Variants in SYNPO2 observed in about 807,000 individuals in gnomAD.
The protein encoded by SYNPO2 is synaptopodin 2.
In SYNPO2, 56 loss-of-function variants were observed where a neutral mutation model predicts 85.0. That is an observed-to-expected ratio of 0.66 (90% confidence interval 0.53 to 0.82). The LOEUF is 0.82. SYNPO2 is among the 40% of genes least tolerant of loss of function. SYNPO2 has a pLI of 0.00. For synonymous variants in SYNPO2, 602 were observed against 591.1 expected (o/e 1.02, Z -0.27); for missense variants, 1,575 against 1,534.2 (o/e 1.03, Z -0.44).
At position 119,060,606 on chromosome 4, in the gene SYNPO2, G is replaced by A. The variant is rs908002885; in HGVS notation, c.*2672G>A. Reference sequence around the variant, plus strand: ...CACTAAAGTTCTAAAATAATAGCAAGTGTAGAGAAGAGCCGTTGCTTTGAA... The same window carrying A: ...CACTAAAGTTCTAAAATAATAGCAAATGTAGAGAAGAGCCGTTGCTTTGAA... On this transcript the variant is annotated 3_prime_UTR_variant, in exon 5 of 5. Transcript: ENST00000307142. The A allele has an allele frequency of 3.3e-5, 5 of 152,144 alleles. No individual in the cohort carries two copies. The highest frequency in any genetic ancestry group is 2.6e-4 in the Admixed American group (4 of 15,264). 9.4% of individuals were successfully genotyped at this position (152,144 alleles called of 1,614,324 possible). A position where few individuals can be genotyped will look rare whatever the true frequency, so the allele number is the denominator to read the frequency against.
At chr4:118,941,430 A>C (rs1362715204) in intron 1 of SYNPO2, among the ~76,000 whole-genome samples, 2 of 152,190 alleles carry the variant, frequency 1.3e-5, no homozygotes, top group East Asian at 3.9e-4. Context: ...AATAAGAGAG[A>C]TCAAACCTGA....
At chr4:118,865,784 T>G (rs1731690312) in intron 1 of SYNPO2, among the ~76,000 whole-genome samples, 1 of 152,182 alleles carries the variant, frequency 6.6e-6, no homozygotes, top group Non-Finnish European at 1.5e-5. Flanking sequence ...AGAGAACTGA[T>G]AAGGCATTTC....
intron 1 of SYNPO2, among the ~76,000 whole-genome samples, chr4:118,900,887 A>G (rs1732733374): frequency 6.6e-6 from 1 of 151,638 alleles, no homozygotes; most frequent in Non-Finnish European, 1.5e-5. Flanking sequence ...TAAAGACTTC[A>G]TATACTTTTG....
At chr4:119,048,041 T>C (rs955370412) in intron 4 of SYNPO2, among the ~76,000 whole-genome samples, 3 of 152,256 alleles carry the variant, frequency 2.0e-5, no homozygotes, top group African/African-American at 7.2e-5. Context: ...CTTTTCTCAA[T>C]TGTGAAATCA....
At chr4:118,897,285 A>G (rs936695198) in intron 1 of SYNPO2, among the ~76,000 whole-genome samples, 7 of 152,128 alleles carry the variant, frequency 4.6e-5, no homozygotes, top group Admixed American at 4.6e-4. Flanking sequence ...AACCACCCCC[A>G]TGATCCAATC....
chr4:118,960,244 G>C (rs906108209), intron 1 of SYNPO2, among the ~76,000 whole-genome samples: 1 of 152,132 alleles, frequency 6.6e-6, no homozygotes, highest in Non-Finnish European at 1.5e-5. Flanking sequence ...CTAGTTTGCA[G>C]TCATTTGTTA....
intron 4 of SYNPO2, chr4:119,038,516 A>G: frequency 2.0e-6 from 2 of 985,466 alleles, no homozygotes; most frequent in African/African-American, 1.7e-5. Flanking sequence ...AACTCTGCAT[A>G]AAAGGAAGTG....
At chr4:119,050,365 A>G (rs980027382) in intron 4 of SYNPO2, among the ~76,000 whole-genome samples, 3 of 152,070 alleles carry the variant, frequency 2.0e-5, no homozygotes, top group Non-Finnish European at 2.9e-5. Flanking sequence ...TCAAAACAAT[A>G]TCATTGCAAG....
At chr4:119,023,289 A>G in intron 1 of SYNPO2, 141 bp from the exon 2 acceptor site, 1 of 773,480 alleles carries the variant, frequency 1.3e-6, no homozygotes, top group Non-Finnish European at 2.0e-6. Flanking sequence ...GGTAAGAAGT[A>G]TTTAAATGGT....
chr4:118,878,885 A>C (rs559287020), intron 1 of SYNPO2, among the ~76,000 whole-genome samples: 10 of 152,284 alleles, frequency 6.6e-5, no homozygotes, highest in African/African-American at 2.4e-4. Context: ...TGTCTTGTGG[A>C]TGTTTTGTTC....
At chr4:118,975,909 C>T (rs1322154411) in intron 1 of SYNPO2, among the ~76,000 whole-genome samples, 1 of 152,220 alleles carries the variant, frequency 6.6e-6, no homozygotes, top group Non-Finnish European at 1.5e-5. Context: ...CTTTTGTGAG[C>T]CTTACTTTCC....
chr4:118,905,479 A>G (rs1732903571), intron 1 of SYNPO2, among the ~76,000 whole-genome samples: 1 of 152,024 alleles, frequency 6.6e-6, no homozygotes, highest in Admixed American at 6.6e-5. Flanking sequence ...AGAGAGAGAG[A>G]GAACACAGGA....
At chr4:118,913,637 C>G (rs1163594574) in intron 1 of SYNPO2, among the ~76,000 whole-genome samples, 1 of 151,316 alleles carries the variant, frequency 6.6e-6, no homozygotes, top group African/African-American at 2.4e-5. Flanking sequence ...TAATAACATT[C>G]AAGCTCTACA....
At chr4:118,850,916 T>C in exon 1 of SYNPO2, 1 of 398,618 alleles carries the variant, frequency 2.5e-6, no homozygotes, top group African/African-American at 2.1e-5. Context: ...ACAAAAGAGA[T>C]GAGACAAGAG....
At chr4:118,864,815 T>C (rs531067680) in intron 1 of SYNPO2, among the ~76,000 whole-genome samples, 1 of 152,360 alleles carries the variant, frequency 6.6e-6, no homozygotes, top group South Asian at 2.1e-4. Context: ...TTTTATCCCT[T>C]CATTTTCAGC....
intron 1 of SYNPO2, among the ~76,000 whole-genome samples, chr4:118,993,181 A>G (rs1315052562): frequency 7.3e-6 from 1 of 136,080 alleles, no homozygotes. Context: ...GGAATTAATT[A>G]AAGAAGGAAG....
At chr4:119,044,377 C>T (rs1738813116) in intron 4 of SYNPO2, among the ~76,000 whole-genome samples, 1 of 152,178 alleles carries the variant, frequency 6.6e-6, no homozygotes, top group African/African-American at 2.4e-5. Flanking sequence ...TAAATTCCCT[C>T]AAACAGGAAA....
At position 119,032,635 on chromosome 4, in the gene SYNPO2, G is replaced by A. The variant is rs945268312; in HGVS notation, c.3252+608G>A. The A allele has an allele frequency of 3.0e-6, 3 of 988,002 alleles. No homozygotes were observed. In the African/African-American group the frequency reaches 5.2e-5, roughly 17 times the overall value. The allele number at this position is 988,002 out of a possible 1,614,324, so 61.2% of individuals were successfully genotyped here. ...ATATAGTTTAGTAAGAAGTGGGTAAGAAAGAGGGTCTTAATTACTGAGCAC... is the reference window on the plus strand; with the variant it reads ...ATATAGTTTAGTAAGAAGTGGGTAAAAAAGAGGGTCTTAATTACTGAGCAC... On this transcript the variant is annotated intron_variant, in intron 4 of 4. Coordinates refer to ENST00000307142, the MANE Select transcript of SYNPO2 (RefSeq NM_133477.3).
At position 118,888,894 on chromosome 4, in the gene SYNPO2, A is replaced by G. The variant is rs977702555; in HGVS notation, c.-143A>G. The G allele has an allele frequency of 2.8e-5, 23 of 814,084 alleles. No homozygotes were observed. Among genetic ancestry groups the G allele is most frequent in the East Asian group, 1.0e-4 (4 of 38,152 alleles). 50.4% of individuals were successfully genotyped at this position (814,084 alleles called of 1,614,324 possible). The stretch of plus-strand genomic sequence containing the variant: ...AGGCGGCTGGGGCGGCGGCTGGGGC[A>G]GCGGCTGCAGCAGCGGCGGACGCTC... On this transcript the variant is annotated 5_prime_UTR_variant, in exon 1 of 5. Transcript: ENST00000307142.
Sources: allele counts gnomAD v4.1 joint callset (sites outside exome capture counted in the v4.1 genomes callset), GRCh38; gene constraint gnomAD v4.1.1; transcripts MANE v1.5; gene names NCBI Gene and HGNC (gene_info 2026-07-23, HGNC 2026-07-21).